PKNOX2: variants seen among roughly 807,000 people sequenced by gnomAD.
PKNOX2 encodes PBX/knotted 1 homeobox 2.
In PKNOX2, 14 loss-of-function variants were observed where a neutral mutation model predicts 53.1. The observed-to-expected ratio is 0.26, with a 90% CI of 0.17 to 0.41. PKNOX2 has a LOEUF of 0.41. PKNOX2 is among the 10% of genes least tolerant of loss of function. The pLI is 1.00. For synonymous variants in PKNOX2, 257 were observed against 242.8 expected, an observed-to-expected ratio of 1.06 and a Z score of -0.54; for missense variants, 496 against 602.8, an observed-to-expected ratio of 0.82 and a Z score of 1.85.
intron 1 of PKNOX2, among the ~76,000 whole-genome samples, chr11:125,217,008 A>AACACACACACACAC (rs10571639): frequency 6.8e-6 from 1 of 147,120 alleles, no homozygotes; most frequent in Non-Finnish European, 1.5e-5. Context: ...ATCCCCTCAA[A>AACACACACACACAC]ACACACACAC....
chr11:125,250,290 AAAC>A (rs938203957), intron 2 of PKNOX2, among the ~76,000 whole-genome samples: 4 of 152,080 alleles, frequency 2.6e-5, no homozygotes, highest in Non-Finnish European at 4.4e-5. Context: ...AAAAATAACT[AAAC>A]AAGAAATTTT....
intron 7 of PKNOX2, among the ~76,000 whole-genome samples, chr11:125,403,179 A>G (rs544515813): frequency 6.6e-6 from 1 of 152,274 alleles, no homozygotes; most frequent in Non-Finnish European, 1.5e-5. Flanking sequence ...TCTGGAGCCT[A>G]CTGAGTTCTG....
At chr11:125,293,815 AC>A in intron 2 of PKNOX2, among the ~76,000 whole-genome samples, 1 of 152,074 alleles carries the variant, frequency 6.6e-6, no homozygotes, top group East Asian at 1.9e-4. Context: ...ACACACACTC[AC>A]ACACACTCAC....
chr11:125,305,456 G>A (rs1043582060), intron 2 of PKNOX2, among the ~76,000 whole-genome samples: 3 of 152,208 alleles, frequency 2.0e-5, no homozygotes, highest in African/African-American at 7.2e-5. Flanking sequence ...CAGAGAGCAC[G>A]CATACACCCT....
intron 2 of PKNOX2, among the ~76,000 whole-genome samples, chr11:125,319,881 C>A (rs1205500769): frequency 1.3e-5 from 2 of 152,034 alleles, no homozygotes; most frequent in East Asian, 3.8e-4. Context: ...TGGATGGAGG[C>A]CAAACAGCAA....
chr11:125,318,455 C>T (rs193126338), intron 2 of PKNOX2, among the ~76,000 whole-genome samples: 28 of 152,054 alleles, frequency 1.8e-4, no homozygotes, highest in African/African-American at 5.3e-4. Flanking sequence ...CACCTCTCTC[C>T]GCCTTCATAG....
At chr11:125,345,340 C>T (rs193005052) in intron 3 of PKNOX2, among the ~76,000 whole-genome samples, 3 of 152,272 alleles carry the variant, frequency 2.0e-5, no homozygotes, top group African/African-American at 7.2e-5. Flanking sequence ...TCAAGCCTCC[C>T]AGCCCATGGT....
intron 1 of PKNOX2, among the ~76,000 whole-genome samples, chr11:125,229,778 G>A (rs563791128): frequency 6.6e-6 from 1 of 152,106 alleles, no homozygotes; most frequent in East Asian, 1.9e-4. Flanking sequence ...ATGGGGCCAG[G>A]GGGGGCTTGC....
At chr11:125,390,927 T>C (rs1954014551) in intron 6 of PKNOX2, among the ~76,000 whole-genome samples, 1 of 152,242 alleles carries the variant, frequency 6.6e-6, no homozygotes, top group Non-Finnish European at 1.5e-5. Flanking sequence ...TCATGTCCCA[T>C]TTTTTGTTCT....
At chr11:125,249,163 TC>T (rs1424145586) in intron 2 of PKNOX2, among the ~76,000 whole-genome samples, 1 of 148,956 alleles carries the variant, frequency 6.7e-6, no homozygotes, top group Non-Finnish European at 1.5e-5. Flanking sequence ...GGGATCCTAT[TC>T]CCCTGGGAAT....
intron 2 of PKNOX2, among the ~76,000 whole-genome samples, chr11:125,272,958 A>AGCTT (rs1296264149): frequency 2.6e-5 from 4 of 152,224 alleles, no homozygotes; most frequent in Non-Finnish European, 5.9e-5. Context: ...AAGGGGAGGC[A>AGCTT]GCCAAAGCCC....
intron 5 of PKNOX2, among the ~76,000 whole-genome samples, chr11:125,373,709 A>G (rs1212370141): frequency 6.6e-6 from 1 of 152,232 alleles, no homozygotes; most frequent in African/African-American, 2.4e-5. Context: ...AATTCAATTA[A>G]TTATGAACTG....
chr11:125,389,230 G>A (rs112721536), intron 6 of PKNOX2, among the ~76,000 whole-genome samples: 35 of 144,134 alleles, frequency 2.4e-4, no homozygotes, highest in African/African-American at 7.2e-4. Flanking sequence ...AAACCCTAGG[G>A]AGAAGCACGC....
intron 1 of PKNOX2, among the ~76,000 whole-genome samples, chr11:125,178,348 C>G (rs1387076128): frequency 2.0e-5 from 3 of 151,714 alleles, no homozygotes; most frequent in Non-Finnish European, 2.9e-5. Context: ...CCCGTCTCTA[C>G]TAAAAATACA....
chr11:125,220,563 G>A (rs1429495844), intron 1 of PKNOX2, among the ~76,000 whole-genome samples: 5 of 152,150 alleles, frequency 3.3e-5, no homozygotes, highest in African/African-American at 4.8e-5. Flanking sequence ...TGGGAAGGCC[G>A]GAGAGAAGCA....
At chr11:125,414,608 G>T (rs1955771886) in intron 10 of PKNOX2, among the ~76,000 whole-genome samples, 1 of 152,178 alleles carries the variant, frequency 6.6e-6, no homozygotes, top group Non-Finnish European at 1.5e-5. Context: ...CCAATCCTCA[G>T]CTGCTTCAGG....
chr11:125,428,102 T>C (rs1353131896), intron 10 of PKNOX2, among the ~76,000 whole-genome samples: 1 of 152,116 alleles, frequency 6.6e-6, no homozygotes, highest in African/African-American at 2.4e-5. Flanking sequence ...GGCATTTGTA[T>C]GTCATTTGTA....
At chr11:125,257,684 C>T (rs1016359582) in intron 2 of PKNOX2, among the ~76,000 whole-genome samples, 2 of 152,222 alleles carry the variant, frequency 1.3e-5, no homozygotes, top group Non-Finnish European at 2.9e-5. Context: ...AGAACAGTGT[C>T]CACCACACGG....
chr11:125,253,337 G>A (rs771053987), intron 2 of PKNOX2, among the ~76,000 whole-genome samples: 1 of 152,146 alleles, frequency 6.6e-6, no homozygotes, highest in Non-Finnish European at 1.5e-5. Context: ...GGAGAAGTAC[G>A]CAGGCTACTG....
Sources: allele counts gnomAD v4.1 joint callset (sites outside exome capture counted in the v4.1 genomes callset), GRCh38; gene constraint gnomAD v4.1.1; transcripts MANE v1.5; gene names NCBI Gene and HGNC (gene_info 2026-07-23, HGNC 2026-07-21).